PAICS: variants seen among roughly 807,000 people sequenced by gnomAD.
The protein encoded by PAICS is bifunctional phosphoribosylaminoimidazole carboxylase/phosphoribosylaminoimidazole succinocarboxamide synthetase.
In PAICS, 33 loss-of-function variants were observed where a neutral mutation model predicts 53.7. That is an observed-to-expected ratio of 0.61 (90% CI 0.47 to 0.82). The LOEUF is 0.82. Among genes scored for constraint, PAICS ranks in the 40% least tolerant of loss-of-function variants. The pLI, the probability that PAICS is intolerant of heterozygous loss-of-function variation, is 0.00. For missense variants in PAICS, 394 were observed against 494.1 expected (o/e 0.80, Z 1.92); for synonymous variants, 141 against 167.2 (o/e 0.84, Z 1.21).
the PAICS span, among the ~76,000 whole-genome samples, chr4:56,413,164 T>C: frequency 6.6e-6 from 1 of 152,118 alleles, no homozygotes; most frequent in African/African-American, 2.4e-5. Context: ...TTTGGTTTTG[T>C]TTTGTTTTGT....
intron 7 of PAICS, among the ~76,000 whole-genome samples, 167 bp downstream of exon 7, chr4:56,452,219 C>T (rs1261024259): frequency 6.6e-6 from 1 of 152,118 alleles, no homozygotes; most frequent in African/African-American, 2.4e-5. Flanking sequence ...CACTCTGTCG[C>T]CCAGGCTGGA....
chr4:56,436,760 C>G (rs1718002516), intron 1 of PAICS, among the ~76,000 whole-genome samples: 1 of 152,162 alleles, frequency 6.6e-6, no homozygotes. Flanking sequence ...TTTGGGAGGC[C>G]AAGGCGGGCG....
chr4:56,451,655 TA>T lies in PAICS; in HGVS notation c.772-212del, dbSNP rs1186333206. On this transcript the variant is annotated intron_variant, in intron 6 of 8. Transcript: ENST00000512576. ...TGTTTATTTTAAATAATTTGTCTGATAAAAATTGAATTCTTTAGGTCTTGAT... is the reference window on the plus strand; with the variant it reads ...TGTTTATTTTAAATAATTTGTCTGATAAAATTGAATTCTTTAGGTCTTGAT... Among the ~76,000 whole-genome samples the T allele has an allele frequency of 2.0e-5, 3 of 152,328 alleles. No individual in the cohort carries two copies. The South Asian group carries it at 6.2e-4, about 32-fold the overall frequency.
In PAICS at chr4:56,463,674, CAA is replaced by C. The variant is rs992525809; in HGVS notation, c.*4137_*4138del. ...AACCATTGCACTCCAGCCTGGGCAACAAGAGCGAAAATCTGTCGCCAAAAAAA... is the reference window on the plus strand; with the variant it reads ...AACCATTGCACTCCAGCCTGGGCAACGAGCGAAAATCTGTCGCCAAAAAAA... On this transcript the variant is annotated 3_prime_UTR_variant, in exon 9 of 9. Coordinates refer to ENST00000512576, the MANE Select transcript of PAICS (RefSeq NM_001079524.2). 4 of 129,128 alleles carry C rather than the reference CAA, an allele frequency of 3.1e-5. No homozygotes were observed. Among genetic ancestry groups the C allele is most frequent in the African/African-American group, 9.1e-5 (3 of 32,820 alleles). 8.0% of individuals were successfully genotyped at this position (129,128 alleles called of 1,614,324 possible).
Position 56,463,926 on chromosome 4 carries a change from G to A in PAICS, c.*4388G>A, listed in dbSNP as rs2110106402. 1 of 152,302 alleles carries A rather than the reference G, an allele frequency of 6.6e-6. No individual in the cohort carries two copies. Among genetic ancestry groups the A allele is most frequent in the South Asian group, 2.1e-4 (1 of 4,832 alleles). The allele number at this position is 152,302 out of a possible 1,614,324, so 9.4% of individuals were successfully genotyped here. On this transcript the variant is annotated 3_prime_UTR_variant, in exon 9 of 9. Coordinates refer to ENST00000512576, the MANE Select transcript of PAICS (RefSeq NM_001079524.2). ...AGTAAAGAAGACTGCCTTCACCCAT[G>A]TGGGTGAGCGTCATCTAATCCATTG...
At chr4:56,436,208 G>A, upstream of PAICS, 1 of 1,530,258 alleles carries the variant, frequency 6.5e-7, no homozygotes, top group East Asian at 2.5e-5. Context: ...AGGGTCGCGC[G>A]GCCCCGCCTC....
In PAICS at chr4:56,441,701, A is replaced by G; in HGVS notation, c.55A>G (p.Lys19Glu). Residue 19 changes from lysine to glutamate, a missense_variant, in exon 2 of 9, where the codon AAA becomes GAA. Lys to Glu is a moderately conservative substitution (Grantham distance 56). Around this residue, in one of 3 missense-constraint regions of PAICS, gnomAD observed 168 missense variants for 199.3 expected, o/e 0.84. Transcript: ENST00000512576. ...TAAAAAATTATATGAGGGTAAAACA[A>G]AAGAAGTCTACGAATTGTTAGACAG... is the stretch of plus-strand genomic sequence containing the variant. ...IGKKLYEGKTKEVYELLDSPG... is the reference protein window; with the variant it reads ...IGKKLYEGKTEEVYELLDSPG... 6.3e-7 allele frequency: 1 copy of G among 1,597,844 alleles called. No individual in the cohort carries two copies. Among genetic ancestry groups the G allele is most frequent in the East Asian group, 2.2e-5 (1 of 44,750 alleles).
In PAICS at chr4:56,448,450, G is replaced by A. The variant is rs772284340; in HGVS notation, c.426G>A (p.Glu142=). 1.9e-6 allele frequency: 3 copies of A among 1,609,854 alleles called. No individual in the cohort carries two copies. Among genetic ancestry groups the A allele is most frequent in the South Asian group, 1.1e-5 (1 of 90,562 alleles). The change falls in exon 4 of 9, where the codon GAG becomes GAA. Residue 142 remains glutamate, a synonymous_variant. Transcript: ENST00000512576. ...DDANNDPQWS[E]EQLIAAKFCF... is the part of the protein sequence containing the mutation. ...CCAATAATGACCCACAGTGGTCTGA[G>A]GAACAGCTGATTGCTGCAAAATTTT...
chr4:56,416,751 C>G, the PAICS span, among the ~76,000 whole-genome samples: 1 of 152,174 alleles, frequency 6.6e-6, no homozygotes, highest in South Asian at 2.1e-4. Context: ...GGAATTAAGA[C>G]AAACAGAATT....
chr4:56,424,324 G>C, the PAICS span, among the ~76,000 whole-genome samples: 1,002 of 152,254 alleles, frequency 6.6e-3, 7 homozygotes, highest in South Asian at 0.017. Flanking sequence ...TAGCAGGTTG[G>C]AGTCAGTTCA....
At position 56,461,692 on chromosome 4, in the gene PAICS, C is replaced by T. The variant is rs1170580283; in HGVS notation, c.*2154C>T. On this transcript the variant is annotated 3_prime_UTR_variant, in exon 9 of 9. Coordinates refer to ENST00000512576, the MANE Select transcript of PAICS (RefSeq NM_001079524.2). Reference sequence around the variant, plus strand: ...CAATTATGAATTTCATCATTAGTTTCTTAGTAGAGTCCACATGTCCTCAGT... The same window carrying T: ...CAATTATGAATTTCATCATTAGTTTTTTAGTAGAGTCCACATGTCCTCAGT... The T allele has an allele frequency of 6.6e-6, 1 of 152,022 alleles. No individual in the cohort carries two copies. The highest frequency in any genetic ancestry group is 1.9e-4 in the East Asian group (1 of 5,180). The allele number at this position is 152,022 out of a possible 1,614,324, so 9.4% of individuals were successfully genotyped here.
intron 1 of PAICS, among the ~76,000 whole-genome samples, chr4:56,438,695 T>TG (rs1467285207): frequency 4.6e-5 from 7 of 152,080 alleles, no homozygotes; most frequent in Non-Finnish European, 1.0e-4. Context: ...TGTCTCAGCC[T>TG]CCCAAAGTGC....
chr4:56,431,741 C>G (rs1012038278), upstream of PAICS, among the ~76,000 whole-genome samples: 1 of 152,104 alleles, frequency 6.6e-6, no homozygotes, highest in African/African-American at 2.4e-5. Context: ...CAAATATGTC[C>G]AGGCCATTCT....
chr4:56,449,540 T>A (rs1020089328), intron 5 of PAICS, among the ~76,000 whole-genome samples: 13 of 152,138 alleles, frequency 8.5e-5, no homozygotes. Context: ...GGAATATAAA[T>A]CATTCTACTG....
chr4:56,453,673 G>A lies in PAICS; in HGVS notation c.1023G>A (p.Gly341=), dbSNP rs60722002. ...ATGGTTTGGGACCAGTGATGTCTGGGAACACTGCATATCCAGTTATCAGCT... is the reference window on the plus strand; with the variant it reads ...ATGGTTTGGGACCAGTGATGTCTGGAAACACTGCATATCCAGTTATCAGCT... ...RSNGLGPVMS[G]NTAYPVISCP... Residue 341 remains glycine (G), a synonymous_variant, in exon 8 of 9, where the codon GGG becomes GGA. Coordinates refer to ENST00000512576, the MANE Select transcript of PAICS (RefSeq NM_001079524.2). 4.4e-4 allele frequency: 694 copies of A among 1,568,480 alleles called. 8 individuals are homozygous for A. The African/African-American group carries it at 8.5e-3, about 19-fold the overall frequency.
chr4:56,419,087 G>A, the PAICS span, among the ~76,000 whole-genome samples: 4,049 of 152,276 alleles, frequency 0.027, 195 homozygotes, highest in African/African-American at 0.092. Context: ...TAGATTCACA[G>A]TCTGGGGATG....
At chr4:56,425,884 TTTCCTTAG>T in the PAICS span, among the ~76,000 whole-genome samples, 3 of 152,290 alleles carry the variant, frequency 2.0e-5, no homozygotes, top group Admixed American at 1.3e-4. Context: ...GCAGTTCATG[TTTCCTTAG>T]TTCCTTTATA....
At chr4:56,429,975 C>T in the PAICS span, among the ~76,000 whole-genome samples, 1 of 151,994 alleles carries the variant, frequency 6.6e-6, no homozygotes. Flanking sequence ...AATATACATC[C>T]CAGCCAGGTG....
chr4:56,423,744 A>G, the PAICS span, among the ~76,000 whole-genome samples: 1 of 152,226 alleles, frequency 6.6e-6, no homozygotes, highest in African/African-American at 2.4e-5. Context: ...ACAAATGCAT[A>G]GTCATCCTAG....
Sources: gnomAD v4.1 joint callset for allele counts (sites outside exome capture counted in the v4.1 genomes callset) on GRCh38, gnomAD v4.1.1 for gene constraint, gnomAD v4.1.1 regional missense constraint, MANE v1.5 for transcripts, NCBI Gene and HGNC (gene_info 2026-07-23, HGNC 2026-07-21) for gene names.